Variants in NAV2 observed in about 807,000 individuals in gnomAD.
NAV2 encodes the protein neuron navigator 2, also known as helicase, APC down-regulated 1.
In NAV2, 54 loss-of-function variants were observed where a neutral mutation model predicts 223.2. That is an observed-to-expected ratio of 0.24 (90% CI 0.19 to 0.30). NAV2 has a LOEUF of 0.30. Ranked by LOEUF, NAV2 falls within the 10% of genes least tolerant of loss-of-function variation. The probability of loss-of-function intolerance (pLI) is 1.00; values close to 1 mark genes in which losing one functional copy is unlikely to be tolerated. For synonymous variants in NAV2, 1,279 were observed against 1,239.3 expected, an observed-to-expected ratio of 1.03 and a Z score of -0.67; for missense variants, 2,806 against 3,147.5, an observed-to-expected ratio of 0.89 and a Z score of 2.60.
chr11:19,405,663 T>C (rs148846216), intron 1 of NAV2, among the ~76,000 whole-genome samples: 73 of 152,356 alleles, frequency 4.8e-4, no homozygotes, highest in African/African-American at 1.6e-3. Context: ...TTGAAAGCAG[T>C]ATTGTCACTT....
At chr11:19,562,492 C>T (rs959230147) in intron 1 of NAV2, among the ~76,000 whole-genome samples, 1 of 152,118 alleles carries the variant, frequency 6.6e-6, no homozygotes, top group Non-Finnish European at 1.5e-5. Flanking sequence ...GTTTTTGACT[C>T]TTCATATTTT....
intron 2 of NAV2, among the ~76,000 whole-genome samples, chr11:19,839,344 G>T (rs1250450443): frequency 6.6e-6 from 1 of 152,156 alleles, no homozygotes; most frequent in Non-Finnish European, 1.5e-5. Flanking sequence ...CGAGAGAGAA[G>T]GGGTGGGAGA....
At chr11:20,017,297 C>G (rs1565774417) in intron 11 of NAV2, among the ~76,000 whole-genome samples, 2 of 152,334 alleles carry the variant, frequency 1.3e-5, no homozygotes, top group South Asian at 4.1e-4. Flanking sequence ...TTCAGCCCCT[C>G]CAGCACACCC....
chr11:19,374,466 C>A (rs984136263), intron 1 of NAV2, among the ~76,000 whole-genome samples: 4 of 152,170 alleles, frequency 2.6e-5, no homozygotes, highest in Admixed American at 2.0e-4. Context: ...ATAGTGTATT[C>A]TCTGGCAACA....
chr11:19,836,949 C>T (rs1345482130), intron 2 of NAV2, among the ~76,000 whole-genome samples: 1 of 152,132 alleles, frequency 6.6e-6, no homozygotes, highest in Non-Finnish European at 1.5e-5. Flanking sequence ...GGAAACTAAT[C>T]CTGTTCATGA....
At chr11:20,116,074 T>C (rs2063065063) in intron 37 of NAV2, among the ~76,000 whole-genome samples, 1 of 152,186 alleles carries the variant, frequency 6.6e-6, no homozygotes, top group Non-Finnish European at 1.5e-5. Context: ...AAACCTCCCA[T>C]GGTTAAAGGA....
chr11:19,733,388 C>G (rs962904637), intron 1 of NAV2, among the ~76,000 whole-genome samples: 10 of 152,218 alleles, frequency 6.6e-5, no homozygotes, highest in African/African-American at 2.4e-4. Context: ...AGGTTTTGAG[C>G]TCAAGTCTGT....
At chr11:19,586,971 C>CA (rs781558116) in intron 1 of NAV2, among the ~76,000 whole-genome samples, 2 of 152,236 alleles carry the variant, frequency 1.3e-5, no homozygotes, top group Admixed American at 6.5e-5. Context: ...GCCCTGCCCC[C>CA]AGAGGTGGAG....
At chr11:19,571,416 T>C (rs181933021) in intron 1 of NAV2, among the ~76,000 whole-genome samples, 17 of 152,320 alleles carry the variant, frequency 1.1e-4, no homozygotes, top group Non-Finnish European at 2.1e-4. Context: ...TTGTACACTT[T>C]AGAAAACTTT....
At chr11:20,013,321 C>A (rs762274872) in intron 11 of NAV2, among the ~76,000 whole-genome samples, 2 of 152,210 alleles carry the variant, frequency 1.3e-5, no homozygotes, top group Non-Finnish European at 1.5e-5. Context: ...GTGCCAGTCA[C>A]TCTATTTAAC....
At position 20,101,072 on chromosome 11, in the gene NAV2, A is replaced by C. The variant is rs2061603293; in HGVS notation, c.6317A>C (p.Tyr2106Ser). 1 of 1,613,912 alleles carries C rather than the reference A, an allele frequency of 6.2e-7. No homozygotes were observed. Among genetic ancestry groups the C allele is most frequent in the Non-Finnish European group, 8.5e-7 (1 of 1,180,012 alleles). ...LSGPSGTGKT[Y>S]LANRLSEYIV... ...GGCCCCAGCGGCACTGGGAAAACCT[A>C]CCTGGCCAACCGGCTGTCTGAGTAT... Residue 2106 changes from tyrosine to serine, a missense_variant, in exon 32 of 38, where the codon TAC becomes TCC. Physicochemically the swap from Tyr to Ser is moderately radical, Grantham distance 144. Transcript: ENST00000349880.
At chr11:19,776,238 C>T (rs1490224865) in intron 1 of NAV2, among the ~76,000 whole-genome samples, 1 of 152,148 alleles carries the variant, frequency 6.6e-6, no homozygotes, top group East Asian at 1.9e-4. Context: ...ATTCTTGAGC[C>T]TTTTCAGGAT....
chr11:20,107,633 A>C, intron 35 of NAV2, 31 bp from the exon 36 acceptor site: 1 of 1,542,834 alleles, frequency 6.5e-7, no homozygotes, highest in South Asian at 1.1e-5. Context: ...TGCCCATTTG[A>C]GTGCTAATGT....
intron 18 of NAV2, among the ~76,000 whole-genome samples, chr11:20,054,486 T>G (rs1268697701): frequency 6.6e-6 from 1 of 152,158 alleles, no homozygotes; most frequent in African/African-American, 2.4e-5. Flanking sequence ...TATAGATCGA[T>G]TACAGGGGAT....
At chr11:19,356,482 G>T (rs1312804552) in intron 1 of NAV2, among the ~76,000 whole-genome samples, 1 of 152,206 alleles carries the variant, frequency 6.6e-6, no homozygotes, top group Non-Finnish European at 1.5e-5. Context: ...GGCACTTCCA[G>T]TGTCTTGGGG....
chr11:19,524,418 C>T (rs1379438559), intron 1 of NAV2, among the ~76,000 whole-genome samples: 1 of 152,224 alleles, frequency 6.6e-6, no homozygotes, highest in Non-Finnish European at 1.5e-5. Flanking sequence ...TTTCGTGCCT[C>T]CAGTTCAAAC....
intron 1 of NAV2, among the ~76,000 whole-genome samples, chr11:19,734,646 GTGGGGATGTGAGTGATCC>G (rs2052116436): frequency 6.6e-6 from 1 of 152,340 alleles, no homozygotes; most frequent in Admixed American, 6.5e-5. Flanking sequence ...GCTAATGAAG[GTGGGGATGTGAGTGATCC>G]TGGGGTTAGG....
intron 22 of NAV2, among the ~76,000 whole-genome samples, chr11:20,074,760 C>CT (rs1554948003): frequency 0.027 from 2,986 of 110,236 alleles, 68 homozygotes; most frequent in African/African-American, 0.04. Context: ...TGCAACTCTG[C>CT]TTTTTTTTTT....
At chr11:19,744,425 G>A (rs894751538) in intron 1 of NAV2, among the ~76,000 whole-genome samples, 22 of 152,182 alleles carry the variant, frequency 1.4e-4, no homozygotes, top group African/African-American at 4.8e-4. Flanking sequence ...CCACTCATGT[G>A]GGGCCCATTT....
Sources: allele counts gnomAD v4.1 joint callset (sites outside exome capture counted in the v4.1 genomes callset), GRCh38; gene constraint gnomAD v4.1.1; transcripts MANE v1.5; gene names NCBI Gene and HGNC (gene_info 2026-07-23, HGNC 2026-07-21).